The following HGFAC variants were observed in gnomAD, a reference collection of about 807,000 sequenced individuals.
The protein encoded by HGFAC is hepatocyte growth factor activator serine protease.
A neutral mutation model predicts 70.6 loss-of-function variants in HGFAC; 76 were observed. The observed-to-expected ratio is 1.08, with a 90% CI of 0.89 to 1.30. The LOEUF (loss-of-function observed/expected upper bound fraction) is 1.30. Ranked by LOEUF, HGFAC falls within the 50% of genes most tolerant of loss-of-function variation. The probability of loss-of-function intolerance (pLI) is 0.00; values close to 1 mark genes in which losing one functional copy is unlikely to be tolerated. For missense variants in HGFAC, 1,044 were observed against 933.7 expected, an observed-to-expected ratio of 1.12 and a Z score of -1.54; for synonymous variants, 464 against 405.3, an observed-to-expected ratio of 1.14 and a Z score of -1.74.
At chr4:3,443,471 C>A in intron 4 of HGFAC, 51 bp downstream of exon 4, 3 of 1,178,074 alleles carry the variant, frequency 2.5e-6, no homozygotes, top group Non-Finnish European at 3.4e-6. Flanking sequence ...CTGGGCCAGG[C>A]CAGAAGGGCC....
chr4:3,444,972 T>G lies in HGFAC; in HGVS notation c.995T>G (p.Leu332Arg). 4 of 1,597,732 alleles carry G rather than the reference T, an allele frequency of 2.5e-6. No homozygotes were observed. Among genetic ancestry groups the G allele is most frequent in the Non-Finnish European group, 3.4e-6 (4 of 1,173,978 alleles). Reference sequence around the variant, plus strand: ...GTGGGCGCCGCGGCCCTGCTGGGCCTGGGCCCCCATGCCTACTGCCGGTCA... The same window carrying G: ...GTGGGCGCCGCGGCCCTGCTGGGCCGGGGCCCCCATGCCTACTGCCGGTCA... ...DSVGAAALLGLGPHAYCRNPD... is the reference protein window; with the variant it reads ...DSVGAAALLGRGPHAYCRNPD... Residue 332 changes from leucine to arginine, a missense_variant, in exon 8 of 14, where the codon CTG (leucine) becomes CGG (arginine). Leu to Arg is a moderately radical substitution (Grantham distance 102). Coordinates refer to ENST00000382774, the MANE Select transcript of HGFAC (RefSeq NM_001528.4).
At chr4:3,443,843 G>A (rs75645153) in intron 4 of HGFAC, among the ~76,000 whole-genome samples, 196 bp from the exon 5 acceptor site, 3,949 of 152,156 alleles carry the variant, frequency 0.026, 160 homozygotes, top group African/African-American at 0.091. Context: ...CCCAGGTGTT[G>A]AGTGGGGGAC....
In HGFAC at chr4:3,447,372, C is replaced by T. The variant is rs954678506; in HGVS notation, c.1356-120C>T. 2.6e-6 allele frequency: 3 copies of T among 1,136,098 alleles called. No individual in the cohort carries two copies. The Admixed American group carries it at 5.9e-5, about 22-fold the overall frequency. 70.4% of individuals were successfully genotyped at this position (1,136,098 alleles called of 1,614,324 possible). On this transcript the variant is annotated intron_variant, in intron 10 of 13. Coordinates refer to ENST00000382774, the MANE Select transcript of HGFAC (RefSeq NM_001528.4). ...CCACACCCAGGCACCTGCTCAGACC[C>T]CTCCCCGGGACCAGGGTCCCACACC...
In HGFAC at chr4:3,443,039, C is replaced by A. The variant is rs371625763; in HGVS notation, c.299-11C>A. ...CGAGGGAGCCCTGACCCTGCCACCC[C>A]CTCCCCACAGCACTCACCGAGGACG... On this transcript the variant is annotated splice_polypyrimidine_tract_variant and intron_variant, in intron 2 of 13. Coordinates refer to ENST00000382774, the MANE Select transcript of HGFAC (RefSeq NM_001528.4). The A allele has an allele frequency of 1.4e-5, 23 of 1,591,616 alleles. No individual in the cohort carries two copies. Among genetic ancestry groups the A allele is most frequent in the Non-Finnish European group, 1.9e-5 (22 of 1,173,226 alleles).
Position 3,442,715 on chromosome 4 carries a change from C to G in HGFAC, c.118-17C>G, listed in dbSNP as rs760712424. Reference sequence around the variant, plus strand: ...TGAGGGTCTGTCCCACACTGACACCCTTTCTGCTCCTCCTAGAACCGTACG... The same window carrying G: ...TGAGGGTCTGTCCCACACTGACACCGTTTCTGCTCCTCCTAGAACCGTACG... On this transcript the variant is annotated splice_polypyrimidine_tract_variant and intron_variant, in intron 1 of 13. Transcript: ENST00000382774. 1 of 1,463,400 alleles carries G rather than the reference C, an allele frequency of 6.8e-7. No homozygotes were observed. The highest frequency in any genetic ancestry group is 1.4e-5 in the African/African-American group (1 of 69,066). The allele number at this position is 1,463,400 out of a possible 1,614,324, so 90.7% of individuals were successfully genotyped here. A position where few individuals can be genotyped will look rare whatever the true frequency, so the allele number is the denominator to read the frequency against.
At chr4:3,446,381 G>A in intron 10 of HGFAC, 87 bp downstream of exon 10, 2 of 1,484,212 alleles carry the variant, frequency 1.3e-6, no homozygotes, top group East Asian at 2.4e-5. Context: ...CCCGCTTGCG[G>A]ACCCCATCCC....
intron 6 of HGFAC, 21 bp from the exon 7 acceptor site, chr4:3,444,602 G>T: frequency 6.4e-7 from 1 of 1,572,336 alleles, no homozygotes; most frequent in East Asian, 2.3e-5. Context: ...CCCTGGCCCA[G>T]CTCCTCGGCC....
chr4:3,448,754 C>A (rs1050447741), intron 13 of HGFAC, among the ~76,000 whole-genome samples: 2 of 152,174 alleles, frequency 1.3e-5, no homozygotes, highest in Non-Finnish European at 2.9e-5. Context: ...TCTTATGCCC[C>A]ATTTTATAGC....
rs192374858 is a variant in HGFAC, at chr4:3,447,181, C to T, written c.1356-311C>T. Among the ~76,000 whole-genome samples, 517 of 152,306 alleles carry T rather than the reference C, an allele frequency of 3.4e-3. 4 individuals carry two copies. Among genetic ancestry groups the T allele is most frequent in the South Asian group, 8.5e-3 (41 of 4,814 alleles). ...AGGCCAGGTCTCCACCCACTCGGGT[C>T]GGCCTTGCAGCCGATCCTGCCTGGG... On this transcript the variant is annotated intron_variant, in intron 10 of 13. Transcript: ENST00000382774.
intron 10 of HGFAC, among the ~76,000 whole-genome samples, chr4:3,447,149 C>A (rs1725537713): frequency 6.6e-6 from 1 of 152,158 alleles, no homozygotes; most frequent in African/African-American, 2.4e-5. Context: ...TGGGGCAGGG[C>A]CTGAGCAGGC....
chr4:3,444,106 C>G lies in HGFAC; in HGVS notation c.543C>G (p.Pro181=). The G allele has an allele frequency of 6.2e-7, 1 of 1,612,262 alleles. No individual in the cohort carries two copies. The highest frequency in any genetic ancestry group is 8.5e-7 in the Non-Finnish European group (1 of 1,179,696). The change falls in exon 5 of 14, where the codon CCC becomes CCG. Residue 181 remains proline (P), a synonymous_variant. Coordinates refer to ENST00000382774, the MANE Select transcript of HGFAC (RefSeq NM_001528.4). ...GCTCCTGCTCCAATACCCAGGACCCCCAGTCCTATCACTGCAGCTGCCCCC... is the reference window on the plus strand; with the variant it reads ...GCTCCTGCTCCAATACCCAGGACCCGCAGTCCTATCACTGCAGCTGCCCCC... ...NGGSCSNTQD[P]QSYHCSCPRA...
Position 3,449,291 on chromosome 4 carries a change from G to C in HGFAC, c.1840G>C (p.Gly614Arg). 2 of 1,612,498 alleles carry C rather than the reference G, an allele frequency of 1.2e-6. No individual in the cohort carries two copies. Among genetic ancestry groups the C allele is most frequent in the Non-Finnish European group, 1.7e-6 (2 of 1,179,728 alleles). ...GAAGAACGGCGTGGCTTACCTCTAC[G>C]GCATCATCAGCTGGGGTGACGGCTG... ...CEKNGVAYLY[G>R]IISWGDGCGR... Residue 614 changes from glycine (G) to arginine (R), a missense_variant, in exon 14 of 14, where the codon GGC (glycine) becomes CGC (arginine). Physicochemically the swap from Gly to Arg is moderately radical, Grantham distance 125. Transcript: ENST00000382774.
Position 3,449,312 on chromosome 4 carries a change from G to A in HGFAC, c.1861G>A (p.Gly621Ser), listed in dbSNP as rs745435520. The A allele has an allele frequency of 1.6e-5, 25 of 1,612,280 alleles. No homozygotes were observed. The highest frequency in any genetic ancestry group is 6.6e-5 in the South Asian group (6 of 91,036). ...YLYGIISWGD[G>S]CGRLHKPGVY... ...CTACGGCATCATCAGCTGGGGTGAC[G>A]GCTGCGGGCGGCTCCACAAGCCGGG... The change falls in exon 14 of 14, where the codon GGC becomes AGC. Residue 621 changes from glycine to serine, a missense_variant. Coordinates refer to ENST00000382774, the MANE Select transcript of HGFAC (RefSeq NM_001528.4).
At chr4:3,445,183 G>A (rs1651402373) in intron 8 of HGFAC, 82 bp from the exon 9 acceptor site, 1 of 1,350,800 alleles carries the variant, frequency 7.4e-7, no homozygotes, top group Non-Finnish European at 1.0e-6. Context: ...GAACCGCCCT[G>A]CTGGGGGTTC....
At chr4:3,447,769 G>A (rs1234028572) in intron 11 of HGFAC, 126 bp from the exon 12 acceptor site, 6 of 1,511,906 alleles carry the variant, frequency 4.0e-6, no homozygotes, top group East Asian at 2.3e-5. Context: ...ACAGGGCACC[G>A]CTCCCTTCTG....
At chr4:3,447,691 A>AGGCCC in intron 11 of HGFAC, 60 bp downstream of exon 11, 2 of 1,598,418 alleles carry the variant, frequency 1.3e-6, no homozygotes, top group African/African-American at 1.3e-5. Flanking sequence ...TCCCCAGGCC[A>AGGCCC]GGCCCAGACA....
chr4:3,442,213 G>T (rs770249357), intron 1 of HGFAC, 95 bp downstream of exon 1: 1 of 901,706 alleles, frequency 1.1e-6, no homozygotes, highest in East Asian at 2.9e-5. Context: ...CACAGAGCGT[G>T]GGGATTTGAG....
rs554307731 is a variant in HGFAC, at chr4:3,446,037, C to T, written c.1103-5C>T. 6.4e-5 allele frequency: 103 copies of T among 1,607,464 alleles called. 3 individuals are homozygous for T. The South Asian group carries it at 1.1e-3, about 18-fold the overall frequency. Reference sequence around the variant, plus strand: ...GGGGTGTGACCCGGTGACCTTTGCTCCCAGAATCCCTCACCAGAGTCCAAC... The same window carrying T: ...GGGGTGTGACCCGGTGACCTTTGCTTCCAGAATCCCTCACCAGAGTCCAAC... On this transcript the variant is annotated splice_region_variant and splice_polypyrimidine_tract_variant and intron_variant, in intron 9 of 13. Coordinates refer to ENST00000382774, the MANE Select transcript of HGFAC (RefSeq NM_001528.4).
chr4:3,444,753 G>A lies in HGFAC; in HGVS notation c.841+20G>A, dbSNP rs745518539. On this transcript the variant is annotated intron_variant, in intron 7 of 13. Transcript: ENST00000382774. ...ACATCGGTGAGTGGGTCAGCCCCCC[G>A]GGGTGCCCTGGGGCAGTGCCGGGTG... 46 of 1,576,364 alleles carry A rather than the reference G, an allele frequency of 2.9e-5. 1 individual carries two copies. The highest frequency in any genetic ancestry group is 7.0e-5 in the Admixed American group (4 of 57,152).
Sources: allele counts gnomAD v4.1 joint callset (sites outside exome capture counted in the v4.1 genomes callset), GRCh38; gene constraint gnomAD v4.1.1; transcripts MANE v1.5; gene names NCBI Gene and HGNC (gene_info 2026-07-23, HGNC 2026-07-21).